MAST2: variants seen among roughly 807,000 people sequenced by gnomAD.
MAST2 encodes microtubule associated serine/threonine kinase 2.
A neutral mutation model predicts 147.4 loss-of-function variants in MAST2; 70 were observed. That is an observed-to-expected ratio of 0.47 (90% CI 0.39 to 0.58). The LOEUF (loss-of-function observed/expected upper bound fraction) is 0.58. Ranked by LOEUF, MAST2 falls within the 20% of genes least tolerant of loss-of-function variation. The pLI is 0.00. For missense variants in MAST2, 2,080 were observed against 2,302.3 expected, an observed-to-expected ratio of 0.90 and a Z score of 1.98; for synonymous variants, 869 against 896.8, an observed-to-expected ratio of 0.97 and a Z score of 0.55.
rs770457045 is a variant in MAST2, at chr1:46,035,607, C to T, written c.4938C>T (p.Pro1646=). 2.1e-5 allele frequency: 34 copies of T among 1,613,760 alleles called. 1 individual carries two copies. Among genetic ancestry groups the T allele is most frequent in the Non-Finnish European group, 2.9e-5 (34 of 1,180,012 alleles). Residue 1646 remains proline (P), a synonymous_variant, in exon 29 of 29, where the codon CCC becomes CCT. Coordinates refer to ENST00000361297, the MANE Select transcript of MAST2 (RefSeq NM_015112.3). This position sits in a 1 kb window ranked among gnomAD's most constrained non-coding sequence, Gnocchi z 5.5. ...CCCCCACCAGCAGTTGCTCTCCTCC[C>T]AGCTCCACCTCTGGGAAGCTGAGCA... The part of the protein sequence containing the change: ...GLTPTSSCSP[P]SSTSGKLSMW...
chr1:45,825,042 T>A (rs997367643), intron 2 of MAST2, among the ~76,000 whole-genome samples: 5 of 152,222 alleles, frequency 3.3e-5, no homozygotes, highest in African/African-American at 4.8e-5. Flanking sequence ...TCCTTTTTTT[T>A]TGAGATGGAG....
At chr1:45,987,654 T>C (rs1446447659) in intron 5 of MAST2, among the ~76,000 whole-genome samples, 2 of 151,998 alleles carry the variant, frequency 1.3e-5, no homozygotes, top group Non-Finnish European at 2.9e-5. Flanking sequence ...TTTCCAGTGG[T>C]TTTTTTATTA....
intron 3 of MAST2, among the ~76,000 whole-genome samples, chr1:45,857,712 T>C (rs1645835091): frequency 1.3e-5 from 2 of 152,102 alleles, no homozygotes; most frequent in South Asian, 4.2e-4. Flanking sequence ...TAACTTGTCA[T>C]TTACATTAGG....
intron 4 of MAST2, among the ~76,000 whole-genome samples, chr1:45,900,291 G>C (rs2148479262): frequency 6.6e-6 from 1 of 151,828 alleles, no homozygotes; most frequent in East Asian, 1.9e-4. Flanking sequence ...ATTTTCTGTA[G>C]GGGTTGAACT....
At position 46,006,315 on chromosome 1, in the gene MAST2, G is replaced by C. The variant is rs766120085; in HGVS notation, c.822G>C (p.Thr274=). 6.2e-7 allele frequency: 1 copy of C among 1,613,908 alleles called. No homozygotes were observed. Among genetic ancestry groups the C allele is most frequent in the Non-Finnish European group, 8.5e-7 (1 of 1,179,874 alleles). Reference sequence around the variant, plus strand: ...CAGCTGATGAGCTGCACTTTTTGACGAAGCATTTCAGCACAGAGAGCGTAC... The same window carrying C: ...CAGCTGATGAGCTGCACTTTTTGACCAAGCATTTCAGCACAGAGAGCGTAC... ...QPTADELHFL[T]KHFSTESVPD... Residue 274 remains threonine (T), a synonymous_variant, in exon 8 of 29, where the codon ACG becomes ACC. Coordinates refer to ENST00000361297, the MANE Select transcript of MAST2 (RefSeq NM_015112.3).
chr1:45,843,743 T>A (rs554953927), intron 3 of MAST2, among the ~76,000 whole-genome samples: 7 of 152,350 alleles, frequency 4.6e-5, no homozygotes, highest in African/African-American at 1.4e-4. Context: ...TCCTTTTCAC[T>A]CTTAGTTTTT....
intron 4 of MAST2, among the ~76,000 whole-genome samples, chr1:45,920,898 A>AAGAC (rs1373436805): frequency 2.6e-5 from 4 of 152,172 alleles, no homozygotes; most frequent in Non-Finnish European, 5.9e-5. Flanking sequence ...TTTATAGATG[A>AAGAC]AGACACTGTA....
At position 45,877,434 on chromosome 1, in the gene MAST2, G is replaced by A. The variant is rs564029801; in HGVS notation, c.469-4930G>A. Among the ~76,000 whole-genome samples, 3 of 152,152 alleles carry A rather than the reference G, an allele frequency of 2.0e-5. No homozygotes were observed. The East Asian group carries it at 5.8e-4, about 29-fold the overall frequency. On this transcript the variant is annotated intron_variant, in intron 3 of 28. Coordinates refer to ENST00000361297, the MANE Select transcript of MAST2 (RefSeq NM_015112.3). ...CTTAATCCCGTTTACAAGAGAGAAGGCCTCATGACCTAATCACCTCCTACA... is the reference window on the plus strand; with the variant it reads ...CTTAATCCCGTTTACAAGAGAGAAGACCTCATGACCTAATCACCTCCTACA...
At chr1:46,029,005 C>T (rs928606425) in intron 18 of MAST2, 72 bp downstream of exon 18, 48 of 1,471,188 alleles carry the variant, frequency 3.3e-5, no homozygotes, top group African/African-American at 5.7e-5. Flanking sequence ...GCAGGCAGCT[C>T]GTGAGGCCTG....
chr1:45,806,075 A>G (rs943069588), intron 1 of MAST2, among the ~76,000 whole-genome samples: 5 of 152,204 alleles, frequency 3.3e-5, no homozygotes, highest in African/African-American at 1.2e-4. Flanking sequence ...AGGTTCATTC[A>G]GTCCATGAAA....
At chr1:45,994,902 T>C (rs930180668) in intron 5 of MAST2, among the ~76,000 whole-genome samples, 3 of 151,614 alleles carry the variant, frequency 2.0e-5, no homozygotes, top group African/African-American at 7.3e-5. Context: ...ACAGTGGCAC[T>C]GTCTCGGCTC....
chr1:45,922,021 A>G (rs1330950294), intron 4 of MAST2, among the ~76,000 whole-genome samples: 1 of 152,204 alleles, frequency 6.6e-6, no homozygotes, highest in Non-Finnish European at 1.5e-5. Flanking sequence ...TCCTATCTGT[A>G]GGCAGGTCCT....
In MAST2 at chr1:45,804,031, G is replaced by C. The variant is rs1256480111; in HGVS notation, c.136G>C (p.Glu46Gln). The change falls in exon 1 of 29, where the codon GAG (glutamate) becomes CAG (glutamine). Residue 46 changes from glutamate to glutamine, a missense_variant. Glu to Gln is a conservative substitution (Grantham distance 29). Transcript: ENST00000361297. ...RRAPPGRQRL[E>Q]ERTGPAGPEG... ...AGCGCCGCCCGGGAGGCAGCGGCTG[G>C]AGGAGCGGACGGGCCCCGCGGGGCC... The C allele has an allele frequency of 1.0e-5, 13 of 1,260,878 alleles. No individual in the cohort carries two copies. The highest frequency in any genetic ancestry group is 1.3e-5 in the Non-Finnish European group (13 of 984,870). The allele number at this position is 1,260,878 out of a possible 1,614,324, so 78.1% of individuals were successfully genotyped here.
intron 4 of MAST2, chr1:45,913,911 C>G: frequency 8.4e-7 from 1 of 1,187,870 alleles, no homozygotes; most frequent in Non-Finnish European, 1.1e-6. Context: ...TGGAAACTGG[C>G]AGATGTCAGG....
Position 46,030,696 on chromosome 1 carries a change from C to T in MAST2, c.2643C>T (p.Asp881=), listed in dbSNP as rs376559790. The T allele has an allele frequency of 6.2e-7, 1 of 1,607,576 alleles. No individual in the cohort carries two copies. Among genetic ancestry groups the T allele is most frequent in the Admixed American group, 1.7e-5 (1 of 58,110 alleles). ...GCAGCCTGAGTGAGGAGAAGGAGGA[C>T]CATTCAGATGGCCTGGCAGGGCTCA... ...TKRSLSEEKE[D]HSDGLAGLKG... The change falls in exon 22 of 29, where the codon GAC becomes GAT. Residue 881 remains aspartate, a synonymous_variant. Coordinates refer to ENST00000361297, the MANE Select transcript of MAST2 (RefSeq NM_015112.3).
At chr1:45,933,513 G>A (rs1411950429) in intron 4 of MAST2, among the ~76,000 whole-genome samples, 1 of 151,440 alleles carries the variant, frequency 6.6e-6, no homozygotes, top group East Asian at 1.9e-4. Context: ...GCCAAGGCAG[G>A]TAGGTCATCT....
intron 15 of MAST2, among the ~76,000 whole-genome samples, chr1:46,025,388 G>A: frequency 6.6e-6 from 1 of 152,122 alleles, no homozygotes; most frequent in East Asian, 1.9e-4. Context: ...GAATAGCATG[G>A]GAAAGACCCA....
chr1:45,981,568 G>A (rs1242760978), intron 5 of MAST2, among the ~76,000 whole-genome samples: 1 of 152,122 alleles, frequency 6.6e-6, no homozygotes. Flanking sequence ...AAGTGGTCTG[G>A]TCCCCAATCC....
chr1:45,883,838 A>G (rs140778719), intron 4 of MAST2, among the ~76,000 whole-genome samples: 2,430 of 142,360 alleles, frequency 0.017, 30 homozygotes, highest in Non-Finnish European at 0.027. Context: ...ATAGGTATGC[A>G]TAACTGAAAA....
Sources: gnomAD v4.1 joint callset for allele counts (sites outside exome capture counted in the v4.1 genomes callset) on GRCh38, gnomAD v4.1.1 for gene constraint, Gnocchi (gnomAD v3.1) non-coding constraint, MANE v1.5 for transcripts, NCBI Gene and HGNC (gene_info 2026-07-23, HGNC 2026-07-21) for gene names.